The following DAGLA variants were observed in gnomAD, a reference collection of about 807,000 sequenced individuals.
DAGLA encodes the protein diacylglycerol lipase alpha, also known as diacylglycerol lipase-alpha.
Under a neutral mutation model 102.6 loss-of-function variants are expected in DAGLA, and 22 were observed. That is an observed-to-expected ratio of 0.21 (90% confidence interval 0.15 to 0.31). The LOEUF is 0.31. Ranked by LOEUF, DAGLA falls within the 10% of genes least tolerant of loss-of-function variation. DAGLA has a pLI of 1.00. For missense variants in DAGLA, 927 were observed against 1,446.6 expected, an observed-to-expected ratio of 0.64 and a Z score of 5.83; for synonymous variants, 578 against 628.9, an observed-to-expected ratio of 0.92 and a Z score of 1.21.
At chr11:61,737,080 G>C in intron 13 of DAGLA, 102 bp from the exon 14 acceptor site, 1 of 1,491,612 alleles carries the variant, frequency 6.7e-7, no homozygotes, top group Non-Finnish European at 9.2e-7. Flanking sequence ...AAGATCCCAG[G>C]ACTCTGGGAA....
chr11:61,707,558 G>A (rs2065159745), intron 1 of DAGLA, among the ~76,000 whole-genome samples: 2 of 152,388 alleles, frequency 1.3e-5, no homozygotes, highest in South Asian at 4.1e-4. Context: ...TAATGGAGGA[G>A]GTGAGGCAGA....
At chr11:61,709,332 C>T (rs957445750) in intron 1 of DAGLA, among the ~76,000 whole-genome samples, 10 of 152,198 alleles carry the variant, frequency 6.6e-5, no homozygotes, top group Non-Finnish European at 1.2e-4. Flanking sequence ...GCAACCTCCA[C>T]CTCCCGGTTC....
intron 1 of DAGLA, among the ~76,000 whole-genome samples, chr11:61,706,541 C>T (rs1342377452): frequency 1.3e-5 from 2 of 152,130 alleles, no homozygotes; most frequent in African/African-American, 2.4e-5. Flanking sequence ...ATTTTCTGGT[C>T]GTCAGGCTCT....
chr11:61,713,143 C>T (rs2065208402), intron 1 of DAGLA, among the ~76,000 whole-genome samples: 4 of 152,172 alleles, frequency 2.6e-5, no homozygotes. Flanking sequence ...CCCGTGCTAT[C>T]CCACATGATT....
rs755848857 is a variant in DAGLA at position 61,744,313 on chromosome 11, G to A, written c.2953G>A (p.Gly985Ser). ...TGCCGGCTCAGCCGACCCCTCCTCG[G>A]GCATCTCACTCTCGCCCTCCTTCCC... The part of the protein sequence containing the change: ...LFAGSADPSS[G>S]ISLSPSFPLS... Residue 985 changes from glycine to serine, a missense_variant, in exon 20 of 20, where the codon GGC (glycine) becomes AGC (serine). This residue lies in a region of DAGLA where 434 missense variants were observed against 503.3 expected (regional missense o/e 0.86). Coordinates refer to ENST00000257215, the MANE Select transcript of DAGLA (RefSeq NM_006133.3). The A allele has an allele frequency of 5.6e-6, 9 of 1,612,492 alleles. No homozygotes were observed. The African/African-American group carries it at 1.2e-4, about 22-fold the overall frequency.
intron 1 of DAGLA, among the ~76,000 whole-genome samples, chr11:61,695,562 C>T (rs527787668): frequency 8.5e-4 from 129 of 152,348 alleles, no homozygotes; most frequent in African/African-American, 3.0e-3. Flanking sequence ...CCTCCCACCC[C>T]GCTCCAGCCA....
In DAGLA at chr11:61,692,143, G is replaced by A. The variant is rs575543809; in HGVS notation, c.-45+11639G>A. On this transcript the variant is annotated intron_variant, in intron 1 of 19. Coordinates refer to ENST00000257215, the MANE Select transcript of DAGLA (RefSeq NM_006133.3). ...GCATTAGAGCCTGCTGTGATCGTAC[G>A]TCCAGGCAGAACCCAGGGCCTGCAC... Among the ~76,000 whole-genome samples the A allele has an allele frequency of 2.1e-3, 320 of 152,282 alleles. 6 individuals carry two copies. The South Asian group carries it at 0.031, about 15-fold the overall frequency.
At chr11:61,710,043 G>A (rs2065181075) in intron 1 of DAGLA, among the ~76,000 whole-genome samples, 1 of 152,178 alleles carries the variant, frequency 6.6e-6, no homozygotes. Context: ...GGCCCCAAGA[G>A]GGGAGGCATC....
chr11:61,693,270 G>C (rs929800158), intron 1 of DAGLA, among the ~76,000 whole-genome samples: 9 of 151,472 alleles, frequency 5.9e-5, no homozygotes, highest in Non-Finnish European at 1.3e-4. Flanking sequence ...TTACAGATAT[G>C]AGCCACTGCA....
At chr11:61,696,803 C>G (rs198454) in intron 1 of DAGLA, among the ~76,000 whole-genome samples, 100,227 of 152,036 alleles carry the variant, frequency 0.66, 33,330 homozygotes, top group East Asian at 0.94. Context: ...TTGCAATTAC[C>G]GTGTGTAGGG....
intron 1 of DAGLA, among the ~76,000 whole-genome samples, chr11:61,696,162 C>A (rs543845342): frequency 2.0e-5 from 3 of 152,186 alleles, no homozygotes; most frequent in Non-Finnish European, 4.4e-5. Context: ...CTGGGCACCC[C>A]GTTCCGTAGG....
At chr11:61,721,568 T>A (rs908698635) in intron 3 of DAGLA, among the ~76,000 whole-genome samples, 1 of 152,186 alleles carries the variant, frequency 6.6e-6, no homozygotes, top group African/African-American at 2.4e-5. Flanking sequence ...GACCCCATCC[T>A]CAACCATGTG....
chr11:61,701,019 C>T (rs1361564657), intron 1 of DAGLA, among the ~76,000 whole-genome samples: 10 of 152,230 alleles, frequency 6.6e-5, no homozygotes, highest in African/African-American at 1.7e-4. Flanking sequence ...TCTCCAGCAT[C>T]GCTCAGATGT....
intron 1 of DAGLA, among the ~76,000 whole-genome samples, chr11:61,694,849 C>G (rs1434088566): frequency 6.6e-6 from 1 of 152,090 alleles, no homozygotes; most frequent in Admixed American, 6.5e-5. Flanking sequence ...TTACCCACTT[C>G]CCTGCCTGGG....
chr11:61,726,376 G>A (rs1013770407), intron 6 of DAGLA, among the ~76,000 whole-genome samples: 1 of 152,204 alleles, frequency 6.6e-6, no homozygotes, highest in Non-Finnish European at 1.5e-5. Flanking sequence ...CAAAGTCAGG[G>A]TGACCTGAAG....
intron 14 of DAGLA, 46 bp from the exon 15 acceptor site, chr11:61,737,641 C>T: frequency 6.4e-7 from 1 of 1,565,198 alleles, no homozygotes; most frequent in Middle Eastern, 1.7e-4. Context: ...GGAACACCAC[C>T]ACCCCGCCCC....
chr11:61,706,478 TC>T (rs1328856096), intron 1 of DAGLA, among the ~76,000 whole-genome samples: 1 of 152,184 alleles, frequency 6.6e-6, no homozygotes, highest in Non-Finnish European at 1.5e-5. Context: ...TGGGGTTTTA[TC>T]TGCTGGCCGA....
At chr11:61,728,413 T>C (rs2065348661) in intron 7 of DAGLA, 126 bp downstream of exon 7, 1 of 1,226,352 alleles carries the variant, frequency 8.2e-7, no homozygotes, top group Non-Finnish European at 1.1e-6. Context: ...ACGCACTCTC[T>C]TGGACCCTGG....
intron 1 of DAGLA, among the ~76,000 whole-genome samples, chr11:61,692,590 T>G (rs1008479904): frequency 6.6e-5 from 10 of 152,030 alleles, no homozygotes; most frequent in African/African-American, 2.4e-4. Context: ...CTCCCACCCT[T>G]TATGCATAAA....
Sources: gnomAD v4.1 joint callset for allele counts (sites outside exome capture counted in the v4.1 genomes callset) on GRCh38, gnomAD v4.1.1 for gene constraint, gnomAD v4.1.1 regional missense constraint, MANE v1.5 for transcripts, NCBI Gene and HGNC (gene_info 2026-07-23, HGNC 2026-07-21) for gene names.